PLEKHA7: variants seen among roughly 807,000 people sequenced by gnomAD.
PLEKHA7 encodes pleckstrin homology domain-containing family A member 7.
Under a neutral mutation model 170.0 loss-of-function variants are expected in PLEKHA7, and 104 were observed. The ratio of observed to expected loss-of-function variants is 0.61; its 90% CI spans 0.52 to 0.72. The LOEUF is 0.72. Ranked by LOEUF, PLEKHA7 falls within the 30% of genes least tolerant of loss-of-function variation. PLEKHA7 has a pLI of 0.00. For synonymous variants in PLEKHA7, 648 were observed against 660.8 expected (o/e 0.98, Z 0.30); for missense variants, 1,615 against 1,671.7 (o/e 0.97, Z 0.59).
chr11:16,836,919 G>A (rs1851560775), intron 9 of PLEKHA7, among the ~76,000 whole-genome samples: 1 of 151,928 alleles, frequency 6.6e-6, no homozygotes, highest in Non-Finnish European at 1.5e-5. Flanking sequence ...TGCCTCCTGA[G>A]TTCAAGCGAT....
chr11:16,858,383 C>T (rs1163228449), intron 4 of PLEKHA7, among the ~76,000 whole-genome samples: 1 of 152,212 alleles, frequency 6.6e-6, no homozygotes, highest in African/African-American at 2.4e-5. Context: ...TTAGATGTGC[C>T]ATTCCACCTC....
At chr11:16,813,692 C>T (rs529150812) in intron 12 of PLEKHA7, among the ~76,000 whole-genome samples, 26 of 152,234 alleles carry the variant, frequency 1.7e-4, no homozygotes, top group African/African-American at 6.0e-4. Context: ...AGAATGATAA[C>T]CACCAGCAAC....
chr11:16,788,936 G>T, intron 23 of PLEKHA7, 160 bp downstream of exon 23: 2 of 895,208 alleles, frequency 2.2e-6, no homozygotes, highest in Non-Finnish European at 3.4e-6. Context: ...CATTCGTCCA[G>T]CCTGGGTCGT....
chr11:17,002,917 A>G (rs1437855939), intron 3 of PLEKHA7, among the ~76,000 whole-genome samples: 1 of 148,336 alleles, frequency 6.7e-6, no homozygotes, highest in African/African-American at 2.5e-5. Context: ...CCACTTAACT[A>G]CTTAAGAGCA....
intron 4 of PLEKHA7, among the ~76,000 whole-genome samples, chr11:16,867,405 G>A (rs1333560400): frequency 6.6e-5 from 10 of 152,164 alleles, no homozygotes; most frequent in Non-Finnish European, 1.5e-4. Context: ...GGCAAGAGGA[G>A]TCAATGTGGT....
intron 3 of PLEKHA7, among the ~76,000 whole-genome samples, chr11:16,977,277 C>A (rs1863126312): frequency 1.3e-5 from 2 of 152,134 alleles, no homozygotes; most frequent in Non-Finnish European, 2.9e-5. Flanking sequence ...CCCAAGGCCT[C>A]CTGACCACCT....
intron 3 of PLEKHA7, among the ~76,000 whole-genome samples, chr11:16,882,873 TAC>T (rs756811238): frequency 3.3e-4 from 16 of 48,100 alleles, no homozygotes; most frequent in South Asian, 1.7e-3. Flanking sequence ...CACACACACA[TAC>T]ACACACACAC....
intron 3 of PLEKHA7, among the ~76,000 whole-genome samples, chr11:16,909,927 T>C (rs1858127813): frequency 6.6e-6 from 1 of 151,978 alleles, no homozygotes; most frequent in African/African-American, 2.4e-5. Context: ...CCAGAGGTAA[T>C]AACCTAATGG....
chr11:16,836,185 T>A (rs1184019598), intron 9 of PLEKHA7, among the ~76,000 whole-genome samples: 1 of 152,220 alleles, frequency 6.6e-6, no homozygotes, highest in African/African-American at 2.4e-5. Context: ...CCACTGCAGC[T>A]ATCTTGCCAC....
intron 6 of PLEKHA7, 91 bp downstream of exon 6, chr11:16,854,798 T>C (rs749372690): frequency 2.0e-5 from 22 of 1,085,072 alleles, no homozygotes; most frequent in Admixed American, 3.7e-5. Flanking sequence ...AGAAAGCTTA[T>C]GTGCCCATCC....
At chr11:16,924,636 G>T (rs1859359609) in intron 3 of PLEKHA7, among the ~76,000 whole-genome samples, 1 of 152,118 alleles carries the variant, frequency 6.6e-6, no homozygotes, top group African/African-American at 2.4e-5. Flanking sequence ...CACCGACAAC[G>T]AAAGGGGAAC....
At chr11:17,007,939 G>A (rs931302733) in intron 3 of PLEKHA7, among the ~76,000 whole-genome samples, 7 of 152,228 alleles carry the variant, frequency 4.6e-5, no homozygotes, top group South Asian at 4.1e-4. Context: ...AGCACTAACC[G>A]CAATTACATT....
At chr11:16,830,099 C>G (rs1455316174) in intron 9 of PLEKHA7, among the ~76,000 whole-genome samples, 2 of 152,120 alleles carry the variant, frequency 1.3e-5, no homozygotes, top group Non-Finnish European at 2.9e-5. Context: ...CCACTTCTGA[C>G]TCCTGTGTAA....
At chr11:16,824,325 G>A (rs145872938) in intron 10 of PLEKHA7, among the ~76,000 whole-genome samples, 5 of 152,174 alleles carry the variant, frequency 3.3e-5, no homozygotes, top group South Asian at 2.1e-4. Flanking sequence ...CCAGGAGTTC[G>A]AATCCAGCCT....
At chr11:16,799,097 G>A (rs1848423381) in intron 17 of PLEKHA7, among the ~76,000 whole-genome samples, 1 of 152,228 alleles carries the variant, frequency 6.6e-6, no homozygotes, top group Non-Finnish European at 1.5e-5. Context: ...GCACTTGAAT[G>A]AGTCTGGTGT....
intron 3 of PLEKHA7, among the ~76,000 whole-genome samples, chr11:16,987,403 C>T (rs1249777025): frequency 6.6e-6 from 1 of 152,188 alleles, no homozygotes; most frequent in Non-Finnish European, 1.5e-5. Context: ...TTGCTCCCTC[C>T]TTTTCCTCCT....
intron 13 of PLEKHA7, among the ~76,000 whole-genome samples, chr11:16,808,767 C>T (rs1849159278): frequency 2.0e-5 from 3 of 152,186 alleles, no homozygotes; most frequent in African/African-American, 7.2e-5. Context: ...CAGTGAACCC[C>T]ACACCCCACC....
chr11:16,936,112 C>A (rs1860269658), intron 3 of PLEKHA7, among the ~76,000 whole-genome samples: 1 of 152,032 alleles, frequency 6.6e-6, no homozygotes, highest in Non-Finnish European at 1.5e-5. Flanking sequence ...TTTGAAAAAT[C>A]AGGTCTCTGC....
chr11:16,824,542 A>G (rs1850485470), intron 10 of PLEKHA7, among the ~76,000 whole-genome samples: 1 of 152,238 alleles, frequency 6.6e-6, no homozygotes, highest in East Asian at 1.9e-4. Context: ...TTAAAATTCT[A>G]GACATCATCC....
Sources: gnomAD v4.1 joint callset for allele counts (sites outside exome capture counted in the v4.1 genomes callset) on GRCh38, gnomAD v4.1.1 for gene constraint, MANE v1.5 for transcripts, NCBI Gene and HGNC (gene_info 2026-07-23, HGNC 2026-07-21) for gene names.